CSMD1: variants seen among roughly 807,000 people sequenced by gnomAD.
CSMD1 encodes CUB and sushi domain-containing protein 1.
In CSMD1, 213 loss-of-function variants were observed where a neutral mutation model predicts 417.5. The observed-to-expected ratio is 0.51, with a 90% CI of 0.46 to 0.57. The LOEUF is 0.57. Ranked by LOEUF, CSMD1 falls within the 20% of genes least tolerant of loss-of-function variation. CSMD1 has a pLI of 0.00. For synonymous variants in CSMD1, 2,862 were observed against 1,736.8 expected, an observed-to-expected ratio of 1.65 and a Z score of -16.11; for missense variants, 6,923 against 4,529.7, an observed-to-expected ratio of 1.53 and a Z score of -15.17.
intron 59 of CSMD1, 33 bp downstream of exon 59, chr8:2,965,742 C>A: frequency 1.9e-6 from 3 of 1,559,982 alleles, no homozygotes; most frequent in Non-Finnish European, 1.7e-6. Flanking sequence ...CTTCTATACA[C>A]ATCTGTAAAA....
intron 49 of CSMD1, among the ~76,000 whole-genome samples, chr8:3,067,754 TTAATAA>T (rs982305858): frequency 6.6e-6 from 1 of 151,824 alleles, no homozygotes; most frequent in African/African-American, 2.4e-5. Context: ...ATATTAATGT[TTAATAA>T]TAATAATTTT....
At chr8:4,948,063 T>C (rs897465239) in intron 1 of CSMD1, among the ~76,000 whole-genome samples, 4 of 150,980 alleles carry the variant, frequency 2.6e-5, no homozygotes, top group African/African-American at 9.9e-5. Context: ...ACCATAGTAG[T>C]AGAATTTCAA....
chr8:4,155,133 C>G (rs1796764137), intron 3 of CSMD1, among the ~76,000 whole-genome samples: 1 of 152,166 alleles, frequency 6.6e-6, no homozygotes, highest in Non-Finnish European at 1.5e-5. Flanking sequence ...CTATTGTTCC[C>G]ATGCTACAGA....
At chr8:4,507,794 C>T (rs372568719) in intron 2 of CSMD1, among the ~76,000 whole-genome samples, 7 of 152,062 alleles carry the variant, frequency 4.6e-5, no homozygotes, top group African/African-American at 1.4e-4. Flanking sequence ...GAAACAGAAG[C>T]TTTATATGAG....
intron 3 of CSMD1, among the ~76,000 whole-genome samples, chr8:4,150,043 A>C (rs1317738825): frequency 1.3e-5 from 2 of 152,206 alleles, no homozygotes; most frequent in Admixed American, 6.5e-5. Flanking sequence ...CGTAAAAGGC[A>C]CGTGTTGCTG....
intron 2 of CSMD1, among the ~76,000 whole-genome samples, chr8:4,607,287 AAC>A (rs1800927512): frequency 7.3e-6 from 1 of 136,394 alleles, no homozygotes; most frequent in Admixed American, 7.2e-5. Flanking sequence ...AAAAATAAAT[AAC>A]AAAAAAAAAT....
chr8:3,786,195 C>G (rs1212072351), intron 5 of CSMD1, among the ~76,000 whole-genome samples: 2 of 152,010 alleles, frequency 1.3e-5, no homozygotes, highest in African/African-American at 4.8e-5. Flanking sequence ...TGAGATCTCC[C>G]CTGTTATTTT....
intron 3 of CSMD1, among the ~76,000 whole-genome samples, chr8:4,248,722 GT>G (rs1351782027): frequency 4.6e-5 from 7 of 152,030 alleles, no homozygotes; most frequent in African/African-American, 1.7e-4. Flanking sequence ...TTCTTTTTGG[GT>G]GATCTCTATC....
At chr8:4,352,938 C>T (rs941331782) in intron 3 of CSMD1, among the ~76,000 whole-genome samples, 12 of 152,160 alleles carry the variant, frequency 7.9e-5, no homozygotes, top group African/African-American at 1.4e-4. Context: ...TAAGTAAATA[C>T]GAGCTTGTAG....
chr8:3,542,793 T>C (rs7011645), intron 10 of CSMD1, among the ~76,000 whole-genome samples: 6,018 of 152,312 alleles, frequency 0.04, 348 homozygotes, highest in African/African-American at 0.12. Context: ...CAGGACAGGA[T>C]ATCCTTCGAT....
intron 27 of CSMD1, among the ~76,000 whole-genome samples, chr8:3,227,970 G>T (rs988420709): frequency 1.3e-5 from 2 of 152,054 alleles, no homozygotes; most frequent in African/African-American, 4.8e-5. Flanking sequence ...GTTTCACCAT[G>T]TTGCCCAGGC....
chr8:3,401,083 T>G (rs2116874950), intron 15 of CSMD1, among the ~76,000 whole-genome samples: 1 of 151,930 alleles, frequency 6.6e-6, no homozygotes, highest in African/African-American at 2.4e-5. Flanking sequence ...TTTAAAGCAA[T>G]GCAACACATT....
rs116230762 is a variant in CSMD1, at chr8:4,460,112, C to T, written c.303-40047G>A. Among the ~76,000 whole-genome samples the T allele has an allele frequency of 8.0e-3, 1,210 of 152,112 alleles. 12 individuals carry two copies. The highest frequency in any genetic ancestry group is 0.028 in the African/African-American group (1,143 of 41,500). ...TCTCCACAACAGAGCATATGCCATG[C>T]CACAGAACTACTTTCAGTTTATTTA... On this transcript the variant is annotated intron_variant, in intron 2 of 69. Transcript: ENST00000635120.
At chr8:4,907,399 T>C (rs1253857686) in intron 1 of CSMD1, among the ~76,000 whole-genome samples, 1 of 152,206 alleles carries the variant, frequency 6.6e-6, no homozygotes, top group Admixed American at 6.5e-5. Context: ...CCCTCAAGTA[T>C]GAATTACTGC....
chr8:4,467,385 C>T (rs1400741659), intron 2 of CSMD1, among the ~76,000 whole-genome samples: 1 of 152,108 alleles, frequency 6.6e-6, no homozygotes, highest in Non-Finnish European at 1.5e-5. Context: ...TCCTCATTCC[C>T]TGCTCATCTC....
At chr8:3,172,324 T>C (rs1820627536) in intron 37 of CSMD1, among the ~76,000 whole-genome samples, 1 of 152,216 alleles carries the variant, frequency 6.6e-6, no homozygotes, top group Non-Finnish European at 1.5e-5. Flanking sequence ...TTGCTTTGGC[T>C]ACAGCGTTTT....
At chr8:3,387,365 C>T in intron 18 of CSMD1, 129 bp downstream of exon 18, 1 of 678,382 alleles carries the variant, frequency 1.5e-6, no homozygotes, top group Non-Finnish European at 2.5e-6. Context: ...TGGTATACAA[C>T]TTCTCAGAGG....
At chr8:3,889,885 T>C (rs1296486737) in intron 5 of CSMD1, among the ~76,000 whole-genome samples, 1 of 152,090 alleles carries the variant, frequency 6.6e-6, no homozygotes, top group Non-Finnish European at 1.5e-5. Context: ...CACTGAAATA[T>C]CAAAATTACT....
intron 9 of CSMD1, 112 bp downstream of exon 9, chr8:3,586,024 C>G (rs1220157538): frequency 2.7e-6 from 3 of 1,116,030 alleles, no homozygotes; most frequent in Middle Eastern, 2.1e-4. Context: ...TACATTACTA[C>G]CGAATTCTAC....
Sources: allele counts gnomAD v4.1 joint callset (sites outside exome capture counted in the v4.1 genomes callset), GRCh38; gene constraint gnomAD v4.1.1; transcripts MANE v1.5; gene names NCBI Gene and HGNC (gene_info 2026-07-23, HGNC 2026-07-21).